FSTL4: variants seen among roughly 807,000 people sequenced by gnomAD.
The protein encoded by FSTL4 is follistatin like 4, also known as follistatin-related protein 4.
In FSTL4, 28 loss-of-function variants were observed where a neutral mutation model predicts 78.2. The ratio of observed to expected loss-of-function variants is 0.36; its 90% CI spans 0.27 to 0.49. FSTL4 has a LOEUF of 0.49. Ranked by LOEUF, FSTL4 falls within the 20% of genes least tolerant of loss-of-function variation. The probability of loss-of-function intolerance (pLI) is 0.98; values close to 1 mark genes in which losing one functional copy is unlikely to be tolerated. For missense variants in FSTL4, 922 were observed against 1,084.9 expected, an observed-to-expected ratio of 0.85 and a Z score of 2.11; for synonymous variants, 422 against 440.5, an observed-to-expected ratio of 0.96 and a Z score of 0.53.
chr5:133,497,584 T>C (rs73788106), intron 3 of FSTL4, among the ~76,000 whole-genome samples: 122 of 152,260 alleles, frequency 8.0e-4, no homozygotes, highest in African/African-American at 2.9e-3. Flanking sequence ...ATCCTGAATC[T>C]GTGGGGGTCA....
At chr5:133,536,515 T>C (rs1044020191) in intron 3 of FSTL4, among the ~76,000 whole-genome samples, 4 of 152,150 alleles carry the variant, frequency 2.6e-5, no homozygotes, top group African/African-American at 7.2e-5. Flanking sequence ...TACTTTATTA[T>C]TATAATCAAT....
intron 8 of FSTL4, among the ~76,000 whole-genome samples, chr5:133,228,821 T>C (rs1751407427): frequency 6.6e-6 from 1 of 152,092 alleles, no homozygotes; most frequent in Non-Finnish European, 1.5e-5. Context: ...AAACATTAAT[T>C]TGGGAAAAAA....
At chr5:133,711,976 T>C in the FSTL4 span, among the ~76,000 whole-genome samples, 1 of 151,900 alleles carries the variant, frequency 6.6e-6, no homozygotes, top group Admixed American at 6.6e-5. Context: ...CTCAGAGAGG[T>C]GACATAACTG....
chr5:133,532,885 G>C (rs1196462228), intron 3 of FSTL4, among the ~76,000 whole-genome samples: 1 of 152,104 alleles, frequency 6.6e-6, no homozygotes, highest in African/African-American at 2.4e-5. Context: ...TTGGTCAAGG[G>C]AGTACCTGGA....
the FSTL4 span, among the ~76,000 whole-genome samples, chr5:133,771,839 G>C: frequency 6.6e-6 from 1 of 152,160 alleles, no homozygotes; most frequent in African/African-American, 2.4e-5. Flanking sequence ...AAGATCAGAT[G>C]AACCTGCAAA....
At chr5:133,533,715 T>C (rs985441893) in intron 3 of FSTL4, among the ~76,000 whole-genome samples, 11 of 152,124 alleles carry the variant, frequency 7.2e-5, no homozygotes, top group African/African-American at 2.7e-4. Context: ...ATCAGCAACC[T>C]CATCCCACAT....
At chr5:133,408,371 C>A (rs1756407782) in intron 3 of FSTL4, among the ~76,000 whole-genome samples, 1 of 152,082 alleles carries the variant, frequency 6.6e-6, no homozygotes, top group Admixed American at 6.5e-5. Context: ...CTTCAGAGCC[C>A]CCAGCCTCAC....
intron 4 of FSTL4, among the ~76,000 whole-genome samples, chr5:133,359,844 C>G (rs1052714872): frequency 2.0e-5 from 3 of 152,200 alleles, no homozygotes; most frequent in African/African-American, 7.2e-5. Flanking sequence ...TGGTGATGGC[C>G]TCAGTTGTCC....
intron 2 of FSTL4, among the ~76,000 whole-genome samples, chr5:133,601,243 A>T (rs1419703015): frequency 6.6e-6 from 1 of 152,272 alleles, no homozygotes; most frequent in Non-Finnish European, 1.5e-5. Context: ...AAGGTCACAT[A>T]AATATCGATT....
intron 3 of FSTL4, among the ~76,000 whole-genome samples, chr5:133,533,335 C>A (rs922184127): frequency 1.3e-5 from 2 of 152,170 alleles, no homozygotes; most frequent in South Asian, 2.1e-4. Flanking sequence ...CCTCAAACTC[C>A]CTGGAATCAG....
chr5:133,670,243 A>G, the FSTL4 span, among the ~76,000 whole-genome samples: 1 of 152,252 alleles, frequency 6.6e-6, no homozygotes, highest in Non-Finnish European at 1.5e-5. Context: ...TGAACTGGTA[A>G]AAGTACTGCC....
chr5:133,731,260 C>T, the FSTL4 span, among the ~76,000 whole-genome samples: 4 of 151,902 alleles, frequency 2.6e-5, no homozygotes, highest in East Asian at 1.9e-4. Flanking sequence ...GGACAGGACT[C>T]GACTGGACGA....
chr5:133,703,332 T>C, the FSTL4 span, among the ~76,000 whole-genome samples: 1 of 152,200 alleles, frequency 6.6e-6, no homozygotes, highest in Admixed American at 6.5e-5. Flanking sequence ...GGCTCCTGCA[T>C]AGCCATCAAC....
At chr5:133,293,973 AT>A (rs1183390024) in intron 6 of FSTL4, among the ~76,000 whole-genome samples, 2 of 152,144 alleles carry the variant, frequency 1.3e-5, no homozygotes, top group East Asian at 3.9e-4. Context: ...AGTTGGCCAT[AT>A]TAGATGGTCT....
chr5:133,716,474 A>G, the FSTL4 span, among the ~76,000 whole-genome samples: 1 of 152,024 alleles, frequency 6.6e-6, no homozygotes, highest in African/African-American at 2.4e-5. Context: ...ATTTCATTTC[A>G]TACCCCTCCT....
intron 4 of FSTL4, among the ~76,000 whole-genome samples, chr5:133,346,366 A>G (rs768485941): frequency 6.6e-6 from 1 of 152,182 alleles, no homozygotes; most frequent in Non-Finnish European, 1.5e-5. Context: ...GTATGTAACA[A>G]ACCTGCACGT....
the FSTL4 span, among the ~76,000 whole-genome samples, chr5:133,628,789 A>T: frequency 0.064 from 9,685 of 152,192 alleles, 337 homozygotes; most frequent in South Asian, 0.074. Flanking sequence ...ATAAAAAAAT[A>T]AAAAAATAGG....
At position 133,199,772 on chromosome 5, in the gene FSTL4, C is replaced by G. The variant is rs762679724; in HGVS notation, c.1852G>C (p.Asp618His). 3.8e-5 allele frequency: 60 copies of G among 1,561,040 alleles called. No individual in the cohort carries two copies. The highest frequency in any genetic ancestry group is 5.0e-5 in the Non-Finnish European group (58 of 1,149,762). Residue 618 changes from aspartate (D) to histidine (H), a missense_variant, in exon 16 of 16, where the codon GAT becomes CAT. Physicochemically the swap from Asp to His is moderately conservative, Grantham distance 81 (BLOSUM62 -1). Coordinates refer to ENST00000265342, the MANE Select transcript of FSTL4 (RefSeq NM_015082.2). This position sits in a 1 kb window ranked among gnomAD's most constrained non-coding sequence, Gnocchi z 4.4. ...AGGTCCACCTTGTGGACTGCAGGAT[C>G]AGACTTGTTGAAGATGAAGCCAAAC... ...IRFGFIFNKSDPAVHKVDLET... is the reference protein window; with the variant it reads ...IRFGFIFNKSHPAVHKVDLET...
At chr5:133,267,903 A>T (rs1244388686) in intron 6 of FSTL4, among the ~76,000 whole-genome samples, 1 of 152,164 alleles carries the variant, frequency 6.6e-6, no homozygotes, top group African/African-American at 2.4e-5. Context: ...AAGGCACGTG[A>T]GCTACACATT....
Sources: gnomAD v4.1 joint callset for allele counts (sites outside exome capture counted in the v4.1 genomes callset) on GRCh38, gnomAD v4.1.1 for gene constraint, Gnocchi (gnomAD v3.1) non-coding constraint, MANE v1.5 for transcripts, NCBI Gene and HGNC (gene_info 2026-07-23, HGNC 2026-07-21) for gene names.